REV3L: variants seen among roughly 807,000 people sequenced by gnomAD.
REV3L encodes the protein DNA polymerase zeta catalytic subunit.
Under a neutral mutation model 299.4 loss-of-function variants are expected in REV3L, and 69 were observed. The ratio of observed to expected loss-of-function variants is 0.23; its 90% CI spans 0.19 to 0.28. REV3L has a LOEUF of 0.28. REV3L is among the 10% of genes least tolerant of loss of function. The pLI, the probability that REV3L is intolerant of heterozygous loss-of-function variation, is 1.00. For missense variants in REV3L, 3,128 were observed against 3,693.8 expected, an observed-to-expected ratio of 0.85 and a Z score of 3.97; for synonymous variants, 1,238 against 1,271.4, an observed-to-expected ratio of 0.97 and a Z score of 0.56.
intron 3 of REV3L, among the ~76,000 whole-genome samples, chr6:111,411,014 A>G (rs1784185147): frequency 6.6e-6 from 1 of 152,190 alleles, no homozygotes; most frequent in Non-Finnish European, 1.5e-5. Flanking sequence ...CTGAGGGAAG[A>G]AAAAACAACC....
At chr6:111,319,983 C>T (rs455565) in intron 26 of REV3L, among the ~76,000 whole-genome samples, 29,417 of 150,750 alleles carry the variant, frequency 0.2, 3,306 homozygotes, top group East Asian at 0.36. Context: ...GCATGCACCA[C>T]CACACCCAGC....
chr6:111,388,175 A>G, intron 7 of REV3L, 90 bp from the exon 8 acceptor site: 2 of 817,144 alleles, frequency 2.4e-6, no homozygotes, highest in Non-Finnish European at 3.9e-6. Flanking sequence ...AAATGGTGGC[A>G]ATTTCCTATC....
chr6:111,346,507 T>C (rs982724998), intron 20 of REV3L, among the ~76,000 whole-genome samples: 2 of 152,192 alleles, frequency 1.3e-5, no homozygotes, highest in Non-Finnish European at 2.9e-5. Flanking sequence ...TTTTAACAGA[T>C]GGGGTCCTGC....
At chr6:111,347,124 G>T (rs571271717) in intron 20 of REV3L, among the ~76,000 whole-genome samples, 1 of 151,962 alleles carries the variant, frequency 6.6e-6, no homozygotes, top group African/African-American at 2.4e-5. Context: ...ACAAAAATTA[G>T]CCAGGTGTGG....
chr6:111,369,259 G>C (rs1043507146), intron 13 of REV3L, among the ~76,000 whole-genome samples: 3 of 143,768 alleles, frequency 2.1e-5, no homozygotes, highest in Non-Finnish European at 4.5e-5. Context: ...TCCAACCTGG[G>C]TGACAGAGCC....
At chr6:111,317,526 A>G (rs1226105004) in intron 26 of REV3L, among the ~76,000 whole-genome samples, 1 of 152,172 alleles carries the variant, frequency 6.6e-6, no homozygotes, top group Non-Finnish European at 1.5e-5. Flanking sequence ...TCACTCTGTT[A>G]CCGAGGCTGG....
chr6:111,422,623 TATATATAC>T (rs1231010151), intron 1 of REV3L, among the ~76,000 whole-genome samples: 2 of 30,624 alleles, frequency 6.5e-5, no homozygotes, highest in African/African-American at 7.1e-5. Flanking sequence ...CACATATATA[TATATATAC>T]ACATATATAT....
At position 111,374,305 on chromosome 6, in the gene REV3L, T is replaced by C. The variant is rs1232218368; in HGVS notation, c.4050A>G (p.Glu1350=). 2 of 1,613,900 alleles carry C rather than the reference T, an allele frequency of 1.2e-6. No individual in the cohort carries two copies. Among genetic ancestry groups the C allele is most frequent in the Non-Finnish European group, 1.7e-6 (2 of 1,179,938 alleles). ...ATATATTTTTTTGAATTAACGTTGA[T>C]TCCTTTAGAGTAAACATAGCACTTT... ...HNQSAMFTLK[E]STLIQKNIFD... is the part of the protein sequence containing the mutation. Residue 1350 remains glutamate (E), a synonymous_variant, in exon 13 of 32, where the codon GAA becomes GAG. Coordinates refer to ENST00000368802, the MANE Select transcript of REV3L (RefSeq NM_001372078.1).
At chr6:111,399,661 CTCA>C (rs1782885704) in intron 4 of REV3L, among the ~76,000 whole-genome samples, 1 of 152,116 alleles carries the variant, frequency 6.6e-6, no homozygotes, top group Non-Finnish European at 1.5e-5. Flanking sequence ...TGATGTTTTT[CTCA>C]TGAGTAGACT....
At chr6:111,314,356 G>C (rs1362739619) in intron 27 of REV3L, among the ~76,000 whole-genome samples, 2 of 152,130 alleles carry the variant, frequency 1.3e-5, no homozygotes, top group Non-Finnish European at 2.9e-5. Context: ...AGAGAGGCGT[G>C]GGACACTGTG....
In REV3L at chr6:111,482,937, C is replaced by T. The variant is rs753811982; in HGVS notation, c.-49G>A. The T allele has an allele frequency of 3.0e-5, 44 of 1,477,930 alleles. No homozygotes were observed. The highest frequency in any genetic ancestry group is 3.6e-5 in the Non-Finnish European group (41 of 1,124,130). 91.6% of individuals were successfully genotyped at this position (1,477,930 alleles called of 1,614,324 possible). Reference sequence around the variant, plus strand: ...CCCTTCACTGGCGACCCGGCAGCGGCAGCAGCAGCGGCGGCGGCTCCCTCC... The same window carrying T: ...CCCTTCACTGGCGACCCGGCAGCGGTAGCAGCAGCGGCGGCGGCTCCCTCC... On this transcript the variant is annotated 5_prime_UTR_variant, in exon 1 of 32. Coordinates refer to ENST00000368802, the MANE Select transcript of REV3L (RefSeq NM_001372078.1).
At chr6:111,334,242 T>C (rs986646371) in intron 22 of REV3L, among the ~76,000 whole-genome samples, 1 of 152,166 alleles carries the variant, frequency 6.6e-6, no homozygotes, top group Non-Finnish European at 1.5e-5. Flanking sequence ...CTGGCCCTCT[T>C]TGTATTTAAA....
In REV3L at chr6:111,374,078, T is replaced by C. The variant is rs146927624; in HGVS notation, c.4277A>G (p.Gln1426Arg). Residue 1426 changes from glutamine (Q) to arginine (R), a missense_variant, in exon 13 of 32, where the codon CAG (glutamine) becomes CGG (arginine). Transcript: ENST00000368802. Reference sequence around the variant, plus strand: ...TTCCGCTATGCACACAATCTGCTGCTGACTGTCTTTGCAATGCAAAAAATT... The same window carrying C: ...TTCCGCTATGCACACAATCTGCTGCCGACTGTCTTTGCAATGCAAAAAATT... Reference protein sequence around the residue: ...TPNFLHCKDSQQQIVCIAEQS... With the variant: ...TPNFLHCKDSRQQIVCIAEQS... 1.9e-4 allele frequency: 312 copies of C among 1,614,184 alleles called. No individual in the cohort carries two copies. In the African/African-American group the frequency reaches 3.5e-3, roughly 18 times the overall value.
rs945472068 is a variant in REV3L, at chr6:111,373,063, A to C, written c.5292T>G (p.Val1764=). The change falls in exon 13 of 32, where the codon GTT becomes GTG. Residue 1764 remains valine (V), a synonymous_variant. Coordinates refer to ENST00000368802, the MANE Select transcript of REV3L (RefSeq NM_001372078.1). ...CACTTAGACAGTCTTCTGCCTGCTG[A>C]ACACAGAAAGAATCCATTATTGAGT... The part of the protein sequence containing the change: ...RSNSIMDSFC[V]QQAEDCLSEK... 2 of 1,614,166 alleles carry C rather than the reference A, an allele frequency of 1.2e-6. No homozygotes were observed. Among genetic ancestry groups the C allele is most frequent in the Non-Finnish European group, 1.7e-6 (2 of 1,180,010 alleles).
chr6:111,389,275 TTTTC>T (rs1321666389), intron 6 of REV3L, 65 bp from the exon 7 acceptor site: 6 of 1,209,454 alleles, frequency 5.0e-6, no homozygotes, highest in African/African-American at 4.6e-5. Flanking sequence ...AAATCTAAAC[TTTTC>T]TTTAACAAAT....
chr6:111,309,693 C>G (rs1446884306), intron 30 of REV3L, 160 bp downstream of exon 30: 11 of 731,496 alleles, frequency 1.5e-5, no homozygotes, highest in Non-Finnish European at 2.1e-5. Context: ...CCTTTCTCTA[C>G]CCAGCACTTC....
intron 1 of REV3L, among the ~76,000 whole-genome samples, chr6:111,424,776 T>C (rs1368613653): frequency 6.6e-6 from 1 of 152,158 alleles, no homozygotes; most frequent in Non-Finnish European, 1.5e-5. Context: ...GGGCTCACAC[T>C]ATGTGAAGAG....
Position 111,384,400 on chromosome 6 carries a change from T to TA in REV3L, c.1097-2957dup, listed in dbSNP as rs201593488. Among the ~76,000 whole-genome samples the TA allele has an allele frequency of 9.8e-3, 1,485 of 151,926 alleles. 9 individuals are homozygous for TA. The highest frequency in any genetic ancestry group is 0.015 in the Non-Finnish European group (1,011 of 67,854). ...AACCAAAATATATATAACTCAATAGTAAAAAATCTAATAATCCAATTAAAA... is the reference window on the plus strand; with the variant it reads ...AACCAAAATATATATAACTCAATAGTAAAAAAATCTAATAATCCAATTAAAA... On this transcript the variant is annotated intron_variant, in intron 9 of 31. Coordinates refer to ENST00000368802, the MANE Select transcript of REV3L (RefSeq NM_001372078.1).
At chr6:111,348,520 A>G (rs1777251126) in intron 20 of REV3L, among the ~76,000 whole-genome samples, 1 of 152,170 alleles carries the variant, frequency 6.6e-6, no homozygotes, top group Non-Finnish European at 1.5e-5. Context: ...GCTCCTTCCT[A>G]TTTCTAGACT....
Sources: allele counts gnomAD v4.1 joint callset (sites outside exome capture counted in the v4.1 genomes callset), GRCh38; gene constraint gnomAD v4.1.1; transcripts MANE v1.5; gene names NCBI Gene and HGNC (gene_info 2026-07-23, HGNC 2026-07-21).